Variants in MLLT10 observed in about 807,000 individuals in gnomAD.
MLLT10 encodes the protein protein AF-10.
Under a neutral mutation model 129.1 loss-of-function variants are expected in MLLT10, and 30 were observed. The observed-to-expected ratio is 0.23, with a 90% CI of 0.17 to 0.32. The LOEUF is 0.32. Ranked by LOEUF, MLLT10 falls within the 10% of genes least tolerant of loss-of-function variation. The probability of loss-of-function intolerance (pLI) is 1.00; values close to 1 mark genes in which losing one functional copy is unlikely to be tolerated. For synonymous variants in MLLT10, 490 were observed against 446.4 expected, an observed-to-expected ratio of 1.10 and a Z score of -1.23; for missense variants, 1,119 against 1,268.3, an observed-to-expected ratio of 0.88 and a Z score of 1.79.
chr10:21,610,567 G>A (rs1252383051), intron 5 of MLLT10, among the ~76,000 whole-genome samples: 4 of 151,634 alleles, frequency 2.6e-5, no homozygotes. Context: ...CCTGTGAAAT[G>A]GTTACTTCTC....
chr10:21,614,176 C>T (rs2044983087), intron 6 of MLLT10, among the ~76,000 whole-genome samples: 1 of 146,780 alleles, frequency 6.8e-6, no homozygotes, highest in Non-Finnish European at 1.5e-5. Flanking sequence ...TTTCATTGCA[C>T]CACTGCACTC....
intron 3 of MLLT10, among the ~76,000 whole-genome samples, chr10:21,540,417 G>A (rs574719874): frequency 2.8e-4 from 43 of 151,814 alleles, no homozygotes; most frequent in African/African-American, 9.2e-4. Context: ...TTAGTTGGGC[G>A]TGGTGGCTTG....
intron 14 of MLLT10, among the ~76,000 whole-genome samples, chr10:21,724,639 C>T (rs2057354117): frequency 6.6e-6 from 1 of 152,194 alleles, no homozygotes; most frequent in Non-Finnish European, 1.5e-5. Flanking sequence ...TCTGTTAAAT[C>T]TGAGAATTAT....
intron 3 of MLLT10, among the ~76,000 whole-genome samples, chr10:21,572,488 TAAC>T (rs2040315897): frequency 6.6e-6 from 1 of 152,232 alleles, no homozygotes; most frequent in Non-Finnish European, 1.5e-5. Context: ...ACTGACATCT[TAAC>T]AACGATTGAG....
At chr10:21,733,136 T>G in intron 18 of MLLT10, 49 bp downstream of exon 18, 1 of 1,517,950 alleles carries the variant, frequency 6.6e-7, no homozygotes, top group African/African-American at 1.4e-5. Context: ...AGGCTTTCAG[T>G]TTTATTTGTA....
At chr10:21,736,686 A>AT (rs1275520218) in intron 21 of MLLT10, among the ~76,000 whole-genome samples, 1 of 152,262 alleles carries the variant, frequency 6.6e-6, no homozygotes, top group Non-Finnish European at 1.5e-5. Flanking sequence ...GTGGGAGAAC[A>AT]GAACCCAACC....
At chr10:21,671,309 TC>T (rs2051377195) in intron 10 of MLLT10, among the ~76,000 whole-genome samples, 2 of 152,160 alleles carry the variant, frequency 1.3e-5, no homozygotes, top group Admixed American at 6.5e-5. Context: ...GAGATACTGT[TC>T]CTGGTGTCTT....
chr10:21,674,191 T>C (rs1370654307), intron 11 of MLLT10, among the ~76,000 whole-genome samples: 2 of 152,224 alleles, frequency 1.3e-5, no homozygotes, highest in East Asian at 3.8e-4. Context: ...ATTCATTACT[T>C]ACAAAACACT....
At chr10:21,540,861 GA>G (rs1360902014) in intron 3 of MLLT10, among the ~76,000 whole-genome samples, 2 of 152,136 alleles carry the variant, frequency 1.3e-5, no homozygotes, top group East Asian at 1.9e-4. Context: ...GGCAATTTTT[GA>G]GCGGTAGAAA....
intron 8 of MLLT10, among the ~76,000 whole-genome samples, chr10:21,617,895 C>T (rs1411043048): frequency 2.0e-5 from 3 of 151,960 alleles, no homozygotes; most frequent in Admixed American, 6.6e-5. Context: ...TGGTGGTGGG[C>T]GCCTGTAGTC....
At chr10:21,737,523 G>C (rs2058471591) in intron 21 of MLLT10, among the ~76,000 whole-genome samples, 1 of 152,202 alleles carries the variant, frequency 6.6e-6, no homozygotes, top group Non-Finnish European at 1.5e-5. Context: ...AGAGCAACTG[G>C]AGGTGGGTTT....
At chr10:21,736,655 G>T (rs952244934) in intron 21 of MLLT10, among the ~76,000 whole-genome samples, 1 of 152,206 alleles carries the variant, frequency 6.6e-6, no homozygotes, top group Non-Finnish European at 1.5e-5. Flanking sequence ...TGAATGGTTG[G>T]TTAGTGACTT....
At chr10:21,698,472 G>T (rs1462339174) in intron 13 of MLLT10, among the ~76,000 whole-genome samples, 1 of 152,146 alleles carries the variant, frequency 6.6e-6, no homozygotes, top group Non-Finnish European at 1.5e-5. Context: ...TTTGTCCATT[G>T]AAAAACACTG....
intron 13 of MLLT10, among the ~76,000 whole-genome samples, chr10:21,704,353 C>CTATA (rs1405531189): frequency 1.1e-4 from 7 of 64,524 alleles, no homozygotes; most frequent in African/African-American, 3.1e-4. Context: ...CTCTCTCTCT[C>CTATA]TCTCTATATA....
rs370868463 is a variant in MLLT10 at position 21,609,132 on chromosome 10, C to A, written c.406-3216C>A. ...AATGTAGGACCCACCTTCCCTCCAC[C>A]AGTTCCCCATTTTTTTTAGCTTGAC... On this transcript the variant is annotated intron_variant, in intron 5 of 22. Transcript: ENST00000307729. Among the ~76,000 whole-genome samples the A allele has an allele frequency of 3.9e-4, 60 of 152,282 alleles. No homozygotes were observed. The East Asian group carries it at 4.6e-3, about 12-fold the overall frequency.
At chr10:21,678,944 G>A (rs1256349549) in intron 11 of MLLT10, among the ~76,000 whole-genome samples, 1 of 152,134 alleles carries the variant, frequency 6.6e-6, no homozygotes, top group Non-Finnish European at 1.5e-5. Flanking sequence ...AGGTTCTAAT[G>A]TGATTCCCTC....
At chr10:21,633,161 G>A (rs558358664) in intron 8 of MLLT10, among the ~76,000 whole-genome samples, 8 of 152,244 alleles carry the variant, frequency 5.3e-5, no homozygotes, top group African/African-American at 1.7e-4. Flanking sequence ...TTCTTCATCT[G>A]CATCAAGTTG....
intron 3 of MLLT10, among the ~76,000 whole-genome samples, chr10:21,559,541 A>G (rs921352810): frequency 2.6e-5 from 4 of 152,216 alleles, no homozygotes; most frequent in African/African-American, 9.6e-5. Flanking sequence ...GTACATTCAC[A>G]GTGTTTATAA....
intron 9 of MLLT10, among the ~76,000 whole-genome samples, chr10:21,665,083 T>G (rs1220559326): frequency 6.6e-6 from 1 of 151,552 alleles, no homozygotes; most frequent in African/African-American, 2.4e-5. Flanking sequence ...GTAGCTGGGA[T>G]TGCAGGTGTG....
Sources: allele counts gnomAD v4.1 joint callset (sites outside exome capture counted in the v4.1 genomes callset), GRCh38; gene constraint gnomAD v4.1.1; transcripts MANE v1.5; gene names NCBI Gene and HGNC (gene_info 2026-07-23, HGNC 2026-07-21).